HFM1: variants seen among roughly 807,000 people sequenced by gnomAD.
HFM1 encodes the protein helicase for meiosis 1.
HFM1 carries 169 observed loss-of-function variants against 192.1 expected under a neutral mutation model. That is an observed-to-expected ratio of 0.88 (90% CI 0.78 to 1.00). The LOEUF (loss-of-function observed/expected upper bound fraction) is 1.00. HFM1 is among the 50% of genes least tolerant of loss of function. The probability of loss-of-function intolerance (pLI) is 0.00; values close to 1 mark genes in which losing one functional copy is unlikely to be tolerated. For missense variants in HFM1, 1,661 were observed against 1,668.0 expected (o/e 1.00, Z 0.07); for synonymous variants, 525 against 537.8 (o/e 0.98, Z 0.33).
intron 36 of HFM1, 21 bp downstream of exon 36, chr1:91,265,996 A>G: frequency 1.3e-6 from 2 of 1,588,142 alleles, no homozygotes; most frequent in East Asian, 2.3e-5. Context: ...AAATATTACA[A>G]ACCTAAGTTC....
intron 13 of HFM1, among the ~76,000 whole-genome samples, chr1:91,357,411 G>A (rs150904320): frequency 6.6e-6 from 1 of 152,252 alleles, no homozygotes; most frequent in East Asian, 1.9e-4. Context: ...ATCCTTTCTT[G>A]ATAAAATCTC....
At chr1:91,380,361 T>C (rs1231893790) in intron 7 of HFM1, 125 bp from the exon 8 acceptor site, 3 of 582,798 alleles carry the variant, frequency 5.1e-6, no homozygotes, top group Non-Finnish European at 8.5e-6. Flanking sequence ...TCCTCTAAAG[T>C]TATAAAAATT....
chr1:91,402,320 T>G (rs762136560), intron 1 of HFM1, among the ~76,000 whole-genome samples: 3 of 152,182 alleles, frequency 2.0e-5, no homozygotes, highest in Admixed American at 6.5e-5. Flanking sequence ...CCTGTATATA[T>G]ACTTCAGGGC....
At chr1:91,307,264 AT>A (rs915114640) in intron 30 of HFM1, among the ~76,000 whole-genome samples, 13 of 151,954 alleles carry the variant, frequency 8.6e-5, no homozygotes, top group South Asian at 8.3e-4. Context: ...GCAAGCTTGT[AT>A]TTTTTTGCTT....
At chr1:91,352,228 T>TAA (rs778340523) in intron 16 of HFM1, among the ~76,000 whole-genome samples, 8 of 132,456 alleles carry the variant, frequency 6.0e-5, no homozygotes, top group Admixed American at 2.3e-4. Context: ...ATTCAGAATT[T>TAA]AAAAAAAAAA....
Position 91,272,957 on chromosome 1 carries a change from A to G in HFM1, c.3772+755T>C, listed in dbSNP as rs563142521. Among the ~76,000 whole-genome samples, 5 of 152,134 alleles carry G rather than the reference A, an allele frequency of 3.3e-5. No homozygotes were observed. In the South Asian group the frequency reaches 1.0e-3, roughly 31 times the overall value. On this transcript the variant is annotated intron_variant, in intron 34 of 38. Coordinates refer to ENST00000370425, the MANE Select transcript of HFM1 (RefSeq NM_001017975.6). ...AGAAAACCCCAAGCTTACCATTTCT[A>G]CATACAGCCACTTGAAGAAATAACT...
intron 20 of HFM1, among the ~76,000 whole-genome samples, chr1:91,334,512 C>G (rs1654296420): frequency 6.6e-6 from 1 of 152,010 alleles, no homozygotes; most frequent in African/African-American, 2.4e-5. Context: ...AATTCTTGAG[C>G]AATATTTTAA....
intron 20 of HFM1, chr1:91,328,600 G>A (rs188208734): frequency 6.2e-6 from 10 of 1,604,832 alleles, no homozygotes; most frequent in East Asian, 4.5e-5. Flanking sequence ...CACTATTCGC[G>A]TGATGGAGAA....
In HFM1 at chr1:91,262,350, T is replaced by A. The variant is rs749654723; in HGVS notation, c.4129A>T (p.Ile1377Phe). Residue 1377 changes from isoleucine (I) to phenylalanine (F), a missense_variant, in exon 38 of 39, where the codon ATT (isoleucine) becomes TTT (phenylalanine). Physicochemically the swap from Ile to Phe is conservative, Grantham distance 21 (BLOSUM62 0). Coordinates refer to ENST00000370425, the MANE Select transcript of HFM1 (RefSeq NM_001017975.6). The stretch of plus-strand genomic sequence containing the variant: ...GAGAAAGTAAAGCATTGCTTCTCAA[T>A]CTCTGGTGACAGATTTTGTGGTTTT... The part of the protein sequence containing the change: ...ERKPQNLSPE[I>F]EKQCFTFSEK... 1.3e-6 allele frequency: 2 copies of A among 1,577,540 alleles called. No individual in the cohort carries two copies. The highest frequency in any genetic ancestry group is 2.7e-5 in the African/African-American group (2 of 73,372).
In HFM1 at chr1:91,333,937, T is replaced by C. The variant is rs553528271; in HGVS notation, c.2336-9171A>G. Among the ~76,000 whole-genome samples, 7 of 152,290 alleles carry C rather than the reference T, an allele frequency of 4.6e-5. No individual in the cohort carries two copies. The South Asian group carries it at 1.5e-3, about 32-fold the overall frequency. ...AAATCAGCTAATGTTAGTATTTACA[T>C]ACAAACTTGAGTATGGAGGAAATCA... On this transcript the variant is annotated intron_variant, in intron 20 of 38. Transcript: ENST00000370425.
intron 21 of HFM1, among the ~76,000 whole-genome samples, chr1:91,324,177 G>A (rs1176725417): frequency 6.6e-6 from 1 of 152,096 alleles, no homozygotes; most frequent in African/African-American, 2.4e-5. Flanking sequence ...TCTACAATCA[G>A]TTCTTTTATC....
At chr1:91,385,292 G>A (rs1273616732) in intron 5 of HFM1, 58 bp from the exon 6 acceptor site, 1 of 1,001,992 alleles carries the variant, frequency 1.0e-6, no homozygotes, top group African/African-American at 1.7e-5. Context: ...ATGGTCAGAA[G>A]CTAGGACCTG....
At chr1:91,379,314 C>T in intron 8 of HFM1, 100 bp from the exon 9 acceptor site, 1 of 831,054 alleles carries the variant, frequency 1.2e-6, no homozygotes, top group Non-Finnish European at 1.9e-6. Flanking sequence ...TACACATCTA[C>T]ATACTCCTAA....
chr1:91,328,372 T>C, intron 20 of HFM1: 1 of 1,565,252 alleles, frequency 6.4e-7, no homozygotes, highest in Non-Finnish European at 8.7e-7. Context: ...ATCCCTCCTC[T>C]GTGTTGCCAT....
At chr1:91,311,781 G>C (rs1300509485) in intron 30 of HFM1, among the ~76,000 whole-genome samples, 3 of 152,208 alleles carry the variant, frequency 2.0e-5, no homozygotes, top group Admixed American at 6.5e-5. Flanking sequence ...AATGTCTCCA[G>C]GCCATGTCAC....
chr1:91,313,379 C>G lies in HFM1; in HGVS notation c.3361G>C (p.Asp1121His), dbSNP rs745625607. The G allele has an allele frequency of 6.3e-7, 1 of 1,588,998 alleles. No individual in the cohort carries two copies. Among genetic ancestry groups the G allele is most frequent in the Non-Finnish European group, 8.6e-7 (1 of 1,161,978 alleles). ...TTAGGTCCTGCTATTGTAGATATGTCTGAATGTTTAGAATGGGAAATCTGT... is the reference window on the plus strand; with the variant it reads ...TTAGGTCCTGCTATTGTAGATATGTGTGAATGTTTAGAATGGGAAATCTGT... ...ETQISHSKHSDISTIAGPNKG... is the reference protein window; with the variant it reads ...ETQISHSKHSHISTIAGPNKG... The change falls in exon 30 of 39, where the codon GAC becomes CAC. Residue 1121 changes from aspartate to histidine, a missense_variant. Transcript: ENST00000370425.
chr1:91,267,694 A>C, intron 35 of HFM1, 51 bp downstream of exon 35: 1 of 851,238 alleles, frequency 1.2e-6, no homozygotes, highest in Non-Finnish European at 1.8e-6. Context: ...TGAAATGAAA[A>C]ATATTCAAAG....
At chr1:91,306,981 A>C (rs1328615692) in intron 30 of HFM1, among the ~76,000 whole-genome samples, 2 of 152,090 alleles carry the variant, frequency 1.3e-5, no homozygotes, top group Non-Finnish European at 2.9e-5. Context: ...AAAATTGTTA[A>C]TGTCTTGTTT....
intron 2 of HFM1, among the ~76,000 whole-genome samples, chr1:91,399,083 T>C (rs1366850598): frequency 1.3e-5 from 2 of 152,208 alleles, no homozygotes; most frequent in African/African-American, 4.8e-5. Context: ...TACTATTTTA[T>C]TCATTCATTA....
Sources: gnomAD v4.1 joint callset for allele counts (sites outside exome capture counted in the v4.1 genomes callset) on GRCh38, gnomAD v4.1.1 for gene constraint, MANE v1.5 for transcripts, NCBI Gene and HGNC (gene_info 2026-07-23, HGNC 2026-07-21) for gene names.